PGAP4: variants seen among roughly 807,000 people sequenced by gnomAD.
PGAP4 encodes the protein GPI-N-acetylgalactosamine transferase PGAP4.
A neutral mutation model predicts 28.2 loss-of-function variants in PGAP4; 12 were observed. That is an observed-to-expected ratio of 0.42 (90% CI 0.27 to 0.69). PGAP4 has a LOEUF of 0.69. PGAP4 is among the 30% of genes least tolerant of loss of function. The pLI is 0.22. For synonymous variants in PGAP4, 205 were observed against 211.8 expected, an observed-to-expected ratio of 0.97 and a Z score of 0.28; for missense variants, 425 against 513.5, an observed-to-expected ratio of 0.83 and a Z score of 1.67.
intron 2 of PGAP4, among the ~76,000 whole-genome samples, chr9:101,504,303 A>C (rs1368728535): frequency 1.4e-5 from 2 of 146,162 alleles, no homozygotes; most frequent in Non-Finnish European, 3.0e-5. Flanking sequence ...TTACAAAAAA[A>C]CCACTGTTCT....
chr9:101,517,384 T>C (rs1292418841), intron 2 of PGAP4, among the ~76,000 whole-genome samples: 1 of 152,038 alleles, frequency 6.6e-6, no homozygotes, highest in African/African-American at 2.4e-5. Context: ...CTATATCACA[T>C]AAAATTAAAT....
intron 2 of PGAP4, among the ~76,000 whole-genome samples, chr9:101,499,472 A>G (rs1355706111): frequency 6.6e-6 from 1 of 152,070 alleles, no homozygotes; most frequent in African/African-American, 2.4e-5. Flanking sequence ...ATAGTAAACT[A>G]TGTTTGTACT....
rs1826243051 is a variant in PGAP4, at chr9:101,474,655, T to C, written c.*1226A>G. On this transcript the variant is annotated 3_prime_UTR_variant, in exon 2 of 2. Coordinates refer to ENST00000374848, the MANE Select transcript of PGAP4 (RefSeq NM_032342.3). ...GCAGGGCTTGGTCATCTGGAATAGC[T>C]GGTACATAGGTGGCAGCTCCATGCC... 6.6e-6 allele frequency: 1 copy of C among 152,236 alleles called. No homozygotes were observed. The highest frequency in any genetic ancestry group is 1.5e-5 in the Non-Finnish European group (1 of 68,046). The allele number at this position is 152,236 out of a possible 1,614,324, so 9.4% of individuals were successfully genotyped here. A position where few individuals can be genotyped will look rare whatever the true frequency, so the allele number is the denominator to read the frequency against.
intron 2 of PGAP4, among the ~76,000 whole-genome samples, chr9:101,515,873 T>C (rs1011976959): frequency 6.6e-6 from 1 of 152,102 alleles, no homozygotes; most frequent in African/African-American, 2.4e-5. Context: ...TTCTATTGCA[T>C]AGTAGGGTGA....
At chr9:101,477,882 C>T (rs1826371854) in intron 1 of PGAP4, among the ~76,000 whole-genome samples, 1 of 151,872 alleles carries the variant, frequency 6.6e-6, no homozygotes, top group Non-Finnish European at 1.5e-5. Context: ...GAGGAAACAT[C>T]TGGAGGAAGA....
chr9:101,511,900 A>AT (rs1224095089), intron 2 of PGAP4, among the ~76,000 whole-genome samples: 1 of 152,134 alleles, frequency 6.6e-6, no homozygotes, highest in Non-Finnish European at 1.5e-5. Flanking sequence ...TTCCTGGTGC[A>AT]TGCTCTCAAA....
intron 2 of PGAP4, among the ~76,000 whole-genome samples, chr9:101,526,102 T>C (rs1217466909): frequency 6.6e-6 from 1 of 152,238 alleles, no homozygotes; most frequent in African/African-American, 2.4e-5. Context: ...CAAAACAAGA[T>C]GTTCAGTACT....
chr9:101,501,011 C>T (rs575936397), intron 2 of PGAP4, among the ~76,000 whole-genome samples: 3 of 152,112 alleles, frequency 2.0e-5, no homozygotes, highest in South Asian at 2.1e-4. Flanking sequence ...CAGCTATACA[C>T]CTGTGGAATT....
chr9:101,510,275 G>T (rs1027724608), intron 2 of PGAP4, among the ~76,000 whole-genome samples: 1 of 152,112 alleles, frequency 6.6e-6, no homozygotes, highest in Non-Finnish European at 1.5e-5. Flanking sequence ...CAATAGTAAA[G>T]GGCTTCTTAG....
At chr9:101,495,120 A>T (rs1369512928) in intron 2 of PGAP4, among the ~76,000 whole-genome samples, 4 of 126,456 alleles carry the variant, frequency 3.2e-5, no homozygotes, top group African/African-American at 2.9e-5. Flanking sequence ...CAAGTGCCTA[A>T]TTATTTACTA....
chr9:101,532,778 A>T (rs1827114360), exon 1 of PGAP4: 1 of 152,186 alleles, frequency 6.6e-6, no homozygotes, highest in South Asian at 2.1e-4. Context: ...AGGCACCAGG[A>T]ACACTTGTTT....
intron 2 of PGAP4, among the ~76,000 whole-genome samples, chr9:101,513,526 T>C (rs1189647118): frequency 6.6e-6 from 1 of 152,184 alleles, no homozygotes; most frequent in African/African-American, 2.4e-5. Context: ...CTCCCACAGA[T>C]GTGCTAAGTG....
chr9:101,488,072 C>G (rs1034660813), upstream of PGAP4, among the ~76,000 whole-genome samples: 6 of 152,154 alleles, frequency 3.9e-5, no homozygotes, highest in South Asian at 6.2e-4. Flanking sequence ...AAAATTGATA[C>G]TAGATATTAA....
intron 1 of PGAP4, among the ~76,000 whole-genome samples, chr9:101,483,822 C>A (rs566069947): frequency 1.3e-5 from 2 of 152,210 alleles, no homozygotes; most frequent in South Asian, 4.1e-4. Flanking sequence ...AGAATATACA[C>A]ACATACTACA....
chr9:101,519,260 C>T (rs113545728), intron 2 of PGAP4, among the ~76,000 whole-genome samples: 2,493 of 152,148 alleles, frequency 0.016, 60 homozygotes, highest in African/African-American at 0.056. Context: ...TGGGTTCAAG[C>T]GATTCTCCTG....
intron 2 of PGAP4, among the ~76,000 whole-genome samples, chr9:101,506,004 A>C (rs1588207255): frequency 6.6e-6 from 1 of 152,258 alleles, no homozygotes; most frequent in East Asian, 1.9e-4. Context: ...CTTTGGACCT[A>C]CCACAGTGCT....
chr9:101,489,673 T>C (rs1401477701), upstream of PGAP4, among the ~76,000 whole-genome samples: 1 of 152,184 alleles, frequency 6.6e-6, no homozygotes, highest in African/African-American at 2.4e-5. Flanking sequence ...GTGTCTCCCA[T>C]TGGCTGAACC....
At position 101,476,349 on chromosome 9, in the gene PGAP4, G is replaced by T. The variant is rs764809865; in HGVS notation, c.744C>A (p.Pro248=). 1 of 1,614,086 alleles carries T rather than the reference G, an allele frequency of 6.2e-7. No individual in the cohort carries two copies. Among genetic ancestry groups the T allele is most frequent in the Non-Finnish European group, 8.5e-7 (1 of 1,180,018 alleles). ...RDALYLKLYH[P]ERLQHYINPE... ...GATTGATGTAGTGCTGGAGCCTCTC[G>T]GGGTGATACAGCTTGAGATAAAGGG... The change falls in exon 2 of 2, where the codon CCC becomes CCA. Residue 248 remains proline (P), a synonymous_variant. Coordinates refer to ENST00000374848, the MANE Select transcript of PGAP4 (RefSeq NM_032342.3). The surrounding 1 kb of genome is among the most constrained non-coding windows in gnomAD (Gnocchi z 7.0).
intron 2 of PGAP4, among the ~76,000 whole-genome samples, chr9:101,494,607 T>A (rs1160504332): frequency 6.6e-6 from 1 of 151,832 alleles, no homozygotes; most frequent in East Asian, 1.9e-4. Context: ...TATGGAAATT[T>A]TCATTTAGTT....
Sources: allele counts gnomAD v4.1 joint callset (sites outside exome capture counted in the v4.1 genomes callset), GRCh38; gene constraint gnomAD v4.1.1; non-coding constraint Gnocchi (gnomAD v3.1); transcripts MANE v1.5; gene names NCBI Gene and HGNC (gene_info 2026-07-23, HGNC 2026-07-21).